ZNF230: variants seen among roughly 807,000 people sequenced by gnomAD.
ZNF230 encodes the protein zinc finger protein FDZF2.
Under a neutral mutation model 10.0 loss-of-function variants are expected in ZNF230, and 12 were observed. That is an observed-to-expected ratio of 1.20 (90% CI 0.77 to 1.95). ZNF230 has a LOEUF of 1.95. ZNF230 is among the 30% of genes most tolerant of loss of function. The pLI is 0.00. For synonymous variants in ZNF230, 174 were observed against 193.6 expected (o/e 0.90, Z 0.84); for missense variants, 532 against 565.8 (o/e 0.94, Z 0.61).
Position 44,010,348 on chromosome 19 carries a change from A to C in ZNF230, c.309A>C (p.Leu103Phe). The stretch of plus-strand genomic sequence containing the variant: ...TCTGGGAACAAACTGCAAGTGACTT[A>C]ACCCAGTCTCAAGACTCCATCATAA... ...QQIWEQTASD[L>F]TQSQDSIINN... The change falls in exon 5 of 5, where the codon TTA becomes TTC. Residue 103 changes from leucine (L) to phenylalanine (F), a missense_variant. Transcript: ENST00000429154. 1 of 1,614,258 alleles carries C rather than the reference A, an allele frequency of 6.2e-7. No homozygotes were observed. The highest frequency in any genetic ancestry group is 8.5e-7 in the Non-Finnish European group (1 of 1,180,038).
chr19:44,011,730 C>T lies in ZNF230; in HGVS notation c.*266C>T, dbSNP rs183743051. 55 of 348,870 alleles carry T rather than the reference C, an allele frequency of 1.6e-4. No homozygotes were observed. The highest frequency in any genetic ancestry group is 3.7e-5 in the Non-Finnish European group (7 of 189,060). The allele number at this position is 348,870 out of a possible 1,614,324, so 21.6% of individuals were successfully genotyped here. A position where few individuals can be genotyped will look rare whatever the true frequency, so the allele number is the denominator to read the frequency against. On this transcript the variant is annotated 3_prime_UTR_variant, in exon 5 of 5. Coordinates refer to ENST00000429154, the MANE Select transcript of ZNF230 (RefSeq NM_006300.4). ...TGTTACCCAATCTTTGGCTATCTCA[C>T]CTAACCCCTACACTTCCCTGCTTCT... is the stretch of plus-strand genomic sequence containing the variant.
At chr19:44,004,742 AAAAG>A (rs1976106771) in intron 1 of ZNF230, 1 of 151,576 alleles carries the variant, frequency 6.6e-6, no homozygotes, top group Non-Finnish European at 1.5e-5. Flanking sequence ...AAAAAAAAAA[AAAAG>A]AATAAACTAG....
rs1976184702 is a variant in ZNF230, at chr19:44,011,566, TTTC to T, written c.*105_*107del. The T allele has an allele frequency of 8.1e-7, 1 of 1,234,070 alleles. No individual in the cohort carries two copies. The highest frequency in any genetic ancestry group is 1.1e-6 in the Non-Finnish European group (1 of 906,200). The allele number at this position is 1,234,070 out of a possible 1,614,324, so 76.4% of individuals were successfully genotyped here. ...AGTGTATTACCTTAAACAATTAACA[TTTC>T]TTTGTTTTGGGAAAATTCAAAATCC... On this transcript the variant is annotated 3_prime_UTR_variant, in exon 5 of 5. Transcript: ENST00000429154.
rs1309493638 is a variant in ZNF230 at position 44,013,493 on chromosome 19, G to A, written c.*2029G>A. On this transcript the variant is annotated 3_prime_UTR_variant, in exon 5 of 5. Coordinates refer to ENST00000429154, the MANE Select transcript of ZNF230 (RefSeq NM_006300.4). ...GATTATGATGTTAAAACTGTGAAAA[G>A]TAGAAAACCACATGGATGATATCAC... The A allele has an allele frequency of 6.6e-6, 1 of 152,180 alleles. No homozygotes were observed. The highest frequency in any genetic ancestry group is 2.4e-5 in the African/African-American group (1 of 41,438). 9.4% of individuals were successfully genotyped at this position (152,180 alleles called of 1,614,324 possible).
At chr19:44,003,948 A>C (rs1002968116) in intron 1 of ZNF230, 4 of 152,272 alleles carry the variant, frequency 2.6e-5, no homozygotes, top group Non-Finnish European at 4.4e-5. Context: ...CACAGGGTGC[A>C]TAGCAGCCAA....
chr19:44,004,033 A>G (rs1273502037), intron 1 of ZNF230: 1 of 152,226 alleles, frequency 6.6e-6, no homozygotes, highest in East Asian at 1.9e-4. Flanking sequence ...TCTTGGATAC[A>G]TTCTCATTGA....
At chr19:44,007,673 C>G (rs1007099800) in intron 2 of ZNF230, among the ~76,000 whole-genome samples, 3 of 152,198 alleles carry the variant, frequency 2.0e-5, no homozygotes, top group African/African-American at 7.2e-5. Context: ...TCCTGTGTTT[C>G]CGTATTCTGT....
At chr19:44,007,419 G>C (rs1976133387) in intron 2 of ZNF230, among the ~76,000 whole-genome samples, 1 of 152,134 alleles carries the variant, frequency 6.6e-6, no homozygotes, top group South Asian at 2.1e-4. Flanking sequence ...TTGTATTGAT[G>C]ATGGAGTTCC....
In ZNF230 at chr19:44,011,579, G is replaced by T; in HGVS notation, c.*115G>T. On this transcript the variant is annotated 3_prime_UTR_variant, in exon 5 of 5. Coordinates refer to ENST00000429154, the MANE Select transcript of ZNF230 (RefSeq NM_006300.4). ...AAACAATTAACATTTCTTTGTTTTG[G>T]GAAAATTCAAAATCCATTGTTCTAG... 8.6e-7 allele frequency: 1 copy of T among 1,159,548 alleles called. No individual in the cohort carries two copies. 71.8% of individuals were successfully genotyped at this position (1,159,548 alleles called of 1,614,324 possible).
Position 44,010,590 on chromosome 19 carries a change from G to C in ZNF230, c.551G>C (p.Arg184Pro), listed in dbSNP as rs750059240. Reference protein sequence around the residue: ...GKSFCYISALRIHQRVHLREK... With the variant: ...GKSFCYISALPIHQRVHLREK... The stretch of plus-strand genomic sequence containing the variant: ...AGCTTCTGTTACATCTCAGCTCTTC[G>C]TATTCACCAGAGAGTTCACTTGAGA... Residue 184 changes from arginine (R) to proline (P), a missense_variant, in exon 5 of 5, where the codon CGT (arginine) becomes CCT (proline). Coordinates refer to ENST00000429154, the MANE Select transcript of ZNF230 (RefSeq NM_006300.4). 1 of 1,614,066 alleles carries C rather than the reference G, an allele frequency of 6.2e-7. No individual in the cohort carries two copies.
At position 44,011,032 on chromosome 19, in the gene ZNF230, A is replaced by G; in HGVS notation, c.993A>G (p.Thr331=). 6.2e-7 allele frequency: 1 copy of G among 1,614,236 alleles called. No homozygotes were observed. Among genetic ancestry groups the G allele is most frequent in the South Asian group, 1.1e-5 (1 of 91,090 alleles). ...LDLHKHQIIH[T]GQKPYNCKEC... ...TGCATAAGCATCAGATAATTCACAC[A>G]GGACAGAAACCGTACAATTGTAAAG... The change falls in exon 5 of 5, where the codon ACA becomes ACG. Residue 331 remains threonine (T), a synonymous_variant. Coordinates refer to ENST00000429154, the MANE Select transcript of ZNF230 (RefSeq NM_006300.4).
At chr19:44,009,404 C>T (rs1368998241) in intron 4 of ZNF230, 2 of 579,808 alleles carry the variant, frequency 3.4e-6, no homozygotes, top group Middle Eastern at 2.6e-4. Flanking sequence ...ACTCCTTGGT[C>T]CAAAAGCCTT....
intron 2 of ZNF230, 137 bp from the exon 3 acceptor site, chr19:44,008,653 T>C: frequency 9.0e-7 from 1 of 1,115,626 alleles, no homozygotes; most frequent in African/African-American, 1.6e-5. Flanking sequence ...CTCAGGAAAA[T>C]CACTGTCAGG....
intron 1 of ZNF230, among the ~76,000 whole-genome samples, chr19:44,006,370 A>G (rs1481140654): frequency 6.6e-6 from 1 of 152,174 alleles, no homozygotes; most frequent in Non-Finnish European, 1.5e-5. Context: ...AGTTCTCTTC[A>G]TTTATTCATT....
chr19:44,009,944 A>G (rs550210050), intron 4 of ZNF230, among the ~76,000 whole-genome samples: 6 of 152,242 alleles, frequency 3.9e-5, no homozygotes, highest in Non-Finnish European at 8.8e-5. Context: ...TTTGATTTAT[A>G]TTTCACTATG....
intron 4 of ZNF230, 31 bp downstream of exon 4, chr19:44,009,201 C>G (rs1445887555): frequency 6.2e-7 from 1 of 1,606,192 alleles, no homozygotes; most frequent in South Asian, 1.1e-5. Flanking sequence ...TGTCCTTGTA[C>G]ATGACTTTCT....
At chr19:44,009,318 TC>T in intron 4 of ZNF230, 148 bp downstream of exon 4, 1 of 839,906 alleles carries the variant, frequency 1.2e-6, no homozygotes, top group Admixed American at 2.7e-5. Flanking sequence ...GTGGTCCTGT[TC>T]CCTCCCTTCC....
chr19:44,010,588 TC>T lies in ZNF230; in HGVS notation c.550del (p.Arg184ValfsTer8). ...GKSFCYISAL[R>X]IHQRVHLREK... ...AAAGCTTCTGTTACATCTCAGCTCT[TC>T]GTATTCACCAGAGAGTTCACTTGAG... On this transcript the variant is annotated frameshift_variant, in exon 5 of 5. Transcript: ENST00000429154. LOFTEE classifies it low-confidence loss of function (END_TRUNC). 1 of 1,614,204 alleles carries T rather than the reference TC, an allele frequency of 6.2e-7. No individual in the cohort carries two copies. Among genetic ancestry groups the T allele is most frequent in the South Asian group, 1.1e-5 (1 of 91,076 alleles).
In ZNF230 at chr19:44,011,409, A is replaced by T; in HGVS notation, c.1370A>T (p.Tyr457Phe). ...SSKCEDCGKR[Y>F]KRRLNLDIIL... is the part of the protein sequence containing the mutation. ...AAATGTGAGGACTGTGGGAAGCGCT[A>T]CAAGAGGCGCTTGAATCTGGATATA... Residue 457 changes from tyrosine (Y) to phenylalanine (F), a missense_variant, in exon 5 of 5, where the codon TAC (tyrosine) becomes TTC (phenylalanine). By Grantham distance (22) the Tyr-to-Phe change is conservative. Coordinates refer to ENST00000429154, the MANE Select transcript of ZNF230 (RefSeq NM_006300.4). The T allele has an allele frequency of 6.2e-7, 1 of 1,609,230 alleles. No individual in the cohort carries two copies. Among genetic ancestry groups the T allele is most frequent in the Non-Finnish European group, 8.5e-7 (1 of 1,178,670 alleles).
Sources: gnomAD v4.1 joint callset for allele counts (sites outside exome capture counted in the v4.1 genomes callset) on GRCh38, gnomAD v4.1.1 for gene constraint, MANE v1.5 for transcripts, NCBI Gene and HGNC (gene_info 2026-07-23, HGNC 2026-07-21) for gene names.